The following PRKCA variants were observed in gnomAD, a reference collection of about 807,000 sequenced individuals.
PRKCA encodes protein kinase C alpha, also known as protein kinase C alpha type.
In PRKCA, 27 loss-of-function variants were observed where a neutral mutation model predicts 87.0. The observed-to-expected ratio is 0.31, with a 90% CI of 0.23 to 0.43. The LOEUF (loss-of-function observed/expected upper bound fraction) is 0.43, where lower values mean the gene tolerates loss of function less well. Ranked by LOEUF, PRKCA falls within the 20% of genes least tolerant of loss-of-function variation. The probability of loss-of-function intolerance (pLI) is 1.00; values close to 1 mark genes in which losing one functional copy is unlikely to be tolerated. For synonymous variants in PRKCA, 329 were observed against 311.1 expected (o/e 1.06, Z -0.61); for missense variants, 518 against 852.3 (o/e 0.61, Z 4.88).
At chr17:66,378,158 A>G (rs898912049) in intron 2 of PRKCA, among the ~76,000 whole-genome samples, 1 of 152,072 alleles carries the variant, frequency 6.6e-6, no homozygotes, top group Admixed American at 6.5e-5. Context: ...CCCTGTCTCT[A>G]CTAAAAATAC....
intron 3 of PRKCA, among the ~76,000 whole-genome samples, chr17:66,622,514 T>G (rs1444577724): frequency 6.6e-6 from 1 of 152,248 alleles, no homozygotes; most frequent in African/African-American, 2.4e-5. Flanking sequence ...TGGTTACCTT[T>G]TCTTAGGACC....
intron 3 of PRKCA, among the ~76,000 whole-genome samples, chr17:66,502,435 G>A (rs1214237042): frequency 4.0e-5 from 6 of 151,868 alleles, no homozygotes; most frequent in African/African-American, 1.5e-4. Flanking sequence ...GAGTTTCACC[G>A]TGTTGGCCAG....
chr17:66,731,955 G>C (rs199566770), intron 8 of PRKCA, among the ~76,000 whole-genome samples: 9 of 150,580 alleles, frequency 6.0e-5, no homozygotes, highest in Non-Finnish European at 1.2e-4. Flanking sequence ...ATGCCCAGCT[G>C]ATTTTTGTAT....
Position 66,765,418 on chromosome 17 carries a change from C to A in PRKCA, c.1525-8569C>A, listed in dbSNP as rs867017356. 3.3e-3 allele frequency among the ~76,000 whole-genome samples: 165 copies of A among 49,314 alleles called. 1 individual carries two copies. The highest frequency in any genetic ancestry group is 8.4e-3 in the African/African-American group (112 of 13,284). 32.4% of individuals were successfully genotyped at this position (49,314 alleles called of 152,430 possible). A position where few individuals can be genotyped will look rare whatever the true frequency, so the allele number is the denominator to read the frequency against. ...CCTGGTCGACAGAGCAAGACTTTGT[C>A]TATATATATATATATATATATATAT... On this transcript the variant is annotated intron_variant, in intron 13 of 16. Transcript: ENST00000413366.
chr17:66,494,167 G>A (rs1009546497), intron 2 of PRKCA, among the ~76,000 whole-genome samples: 1 of 152,160 alleles, frequency 6.6e-6, no homozygotes. Context: ...TGTATCTACT[G>A]CCATATGTGC....
intron 16 of PRKCA, chr17:66,796,672 T>A (rs985867775): frequency 1.0e-6 from 1 of 985,216 alleles, no homozygotes; most frequent in Admixed American, 6.2e-5. Context: ...AGCTCCTTAG[T>A]ATGGACATTA....
chr17:66,571,835 C>T (rs1040967270), intron 3 of PRKCA, among the ~76,000 whole-genome samples: 1 of 152,162 alleles, frequency 6.6e-6, no homozygotes, highest in Non-Finnish European at 1.5e-5. Flanking sequence ...GATCTTACCA[C>T]TGAGTGTTTT....
At chr17:66,308,566 G>T (rs149612740) in intron 2 of PRKCA, among the ~76,000 whole-genome samples, 3 of 152,202 alleles carry the variant, frequency 2.0e-5, no homozygotes, top group Middle Eastern at 3.4e-3. Context: ...TTTAAATAAT[G>T]AATTACCCTA....
intron 2 of PRKCA, among the ~76,000 whole-genome samples, chr17:66,458,449 C>G (rs1914677249): frequency 6.6e-6 from 1 of 151,472 alleles, no homozygotes; most frequent in Non-Finnish European, 1.5e-5. Context: ...CTTGAAGATC[C>G]TTTCAGGTTT....
At chr17:66,510,863 C>T (rs764559289) in intron 3 of PRKCA, among the ~76,000 whole-genome samples, 21 of 152,110 alleles carry the variant, frequency 1.4e-4, no homozygotes, top group Non-Finnish European at 2.6e-4. Context: ...TCTCCTACCT[C>T]AGCTTCCCTA....
At chr17:66,413,751 C>T (rs566600207) in intron 2 of PRKCA, among the ~76,000 whole-genome samples, 6 of 152,222 alleles carry the variant, frequency 3.9e-5, no homozygotes, top group East Asian at 3.9e-4. Context: ...TGGTGGTTCA[C>T]GTCAGTAATC....
intron 5 of PRKCA, among the ~76,000 whole-genome samples, chr17:66,679,850 C>T (rs923937599): frequency 6.6e-6 from 1 of 152,206 alleles, no homozygotes; most frequent in Non-Finnish European, 1.5e-5. Context: ...AGCTCAGCTA[C>T]TCATTAGCTT....
At chr17:66,401,831 G>A (rs979500871) in intron 2 of PRKCA, among the ~76,000 whole-genome samples, 9 of 152,320 alleles carry the variant, frequency 5.9e-5, no homozygotes, top group African/African-American at 2.2e-4. Flanking sequence ...TAGACACTGA[G>A]GGTGGACAGG....
intron 3 of PRKCA, among the ~76,000 whole-genome samples, chr17:66,550,876 C>T (rs958229060): frequency 6.6e-6 from 1 of 152,124 alleles, no homozygotes; most frequent in African/African-American, 2.4e-5. Flanking sequence ...GAGTGGGGAG[C>T]TGTGTGTGTT....
chr17:66,483,068 C>T (rs945974386), intron 2 of PRKCA, among the ~76,000 whole-genome samples: 1 of 152,134 alleles, frequency 6.6e-6, no homozygotes, highest in African/African-American at 2.4e-5. Flanking sequence ...GTAGAGCTGT[C>T]GGGGAAGAAT....
At chr17:66,640,125 C>T (rs1044956320) in intron 3 of PRKCA, among the ~76,000 whole-genome samples, 8 of 152,192 alleles carry the variant, frequency 5.3e-5, no homozygotes, top group Admixed American at 4.6e-4. Flanking sequence ...TTTACAAAGA[C>T]TGACTCGTTT....
chr17:66,433,237 G>A (rs1375648402), intron 2 of PRKCA, among the ~76,000 whole-genome samples: 1 of 152,184 alleles, frequency 6.6e-6, no homozygotes, highest in Non-Finnish European at 1.5e-5. Flanking sequence ...GTGCCCTGGA[G>A]GAAACCCCAG....
intron 9 of PRKCA, among the ~76,000 whole-genome samples, chr17:66,733,190 T>C (rs1157106647): frequency 6.6e-6 from 1 of 150,710 alleles, no homozygotes; most frequent in Non-Finnish European, 1.5e-5. Flanking sequence ...ATTTGTACAG[T>C]CATCCAGAAG....
At chr17:66,618,380 A>T (rs1970575062) in intron 3 of PRKCA, among the ~76,000 whole-genome samples, 4 of 150,482 alleles carry the variant, frequency 2.7e-5, no homozygotes, top group Admixed American at 2.0e-4. Context: ...GAACATAGTC[A>T]TTCATTTCTT....
Sources: gnomAD v4.1 joint callset for allele counts (sites outside exome capture counted in the v4.1 genomes callset) on GRCh38, gnomAD v4.1.1 for gene constraint, MANE v1.5 for transcripts, NCBI Gene and HGNC (gene_info 2026-07-23, HGNC 2026-07-21) for gene names.